The following TYMS variants were observed in gnomAD, a reference collection of about 807,000 sequenced individuals.
The protein encoded by TYMS is thymidylate synthase.
Under a neutral mutation model 39.3 loss-of-function variants are expected in TYMS, and 21 were observed. The observed-to-expected ratio is 0.54, with a 90% CI of 0.38 to 0.77. The LOEUF (loss-of-function observed/expected upper bound fraction) is 0.77. TYMS is among the 30% of genes least tolerant of loss of function. The probability of loss-of-function intolerance (pLI) is 0.00; values close to 1 mark genes in which losing one functional copy is unlikely to be tolerated. For synonymous variants in TYMS, 171 were observed against 162.2 expected, an observed-to-expected ratio of 1.05 and a Z score of -0.41; for missense variants, 273 against 406.7, an observed-to-expected ratio of 0.67 and a Z score of 2.83.
At chr18:665,653 G>A (rs1006611202) in intron 3 of TYMS, among the ~76,000 whole-genome samples, 1 of 100,394 alleles carries the variant, frequency 1.0e-5, no homozygotes, top group Non-Finnish European at 1.9e-5. Flanking sequence ...TGGGCATTTA[G>A]TGCTATAAAT....
At chr18:659,317 G>T (rs1204519240) in intron 1 of TYMS, among the ~76,000 whole-genome samples, 1 of 152,080 alleles carries the variant, frequency 6.6e-6, no homozygotes. Context: ...ACACCTTTGT[G>T]ACAGGATTAG....
intron 3 of TYMS, among the ~76,000 whole-genome samples, chr18:666,914 GTGATGGA>G (rs1437988259): frequency 3.1e-5 from 2 of 64,910 alleles, no homozygotes; most frequent in Non-Finnish European, 8.0e-5. Flanking sequence ...GATGGTGATG[GTGATGGA>G]GATGGTGATG....
intron 3 of TYMS, among the ~76,000 whole-genome samples, chr18:667,239 AGATGGT>A (rs1264608229): frequency 2.3e-3 from 31 of 13,436 alleles, no homozygotes; most frequent in South Asian, 6.3e-3. Context: ...ATGGAGATGG[AGATGGT>A]GATGGTGATG....
At chr18:671,664 G>A in intron 6 of TYMS, 1 of 577,708 alleles carries the variant, frequency 1.7e-6, no homozygotes, top group Non-Finnish European at 3.0e-6. Context: ...GGTGCTGTGA[G>A]GTACTAAGCA....
chr18:670,939 C>G (rs2075014858), intron 5 of TYMS, 72 bp downstream of exon 5: 1 of 1,529,522 alleles, frequency 6.5e-7, no homozygotes, highest in South Asian at 1.2e-5. Context: ...TATGGGAAAA[C>G]AAATTGCAGA....
chr18:667,754 T>TAA (rs977181527), intron 3 of TYMS: 3 of 152,194 alleles, frequency 2.0e-5, no homozygotes, highest in African/African-American at 7.2e-5. Flanking sequence ...CTTGTGCAGG[T>TAA]AAGTGTTCTG....
At position 666,916 on chromosome 18, in the gene TYMS, G is replaced by T; in HGVS notation, c.455-2156G>T. Among the ~76,000 whole-genome samples, 3 of 49,850 alleles carry T rather than the reference G, an allele frequency of 6.0e-5. 1 individual carries two copies. Among genetic ancestry groups the T allele is most frequent in the Non-Finnish European group, 1.7e-4 (3 of 17,936 alleles). 32.7% of individuals were successfully genotyped at this position (49,850 alleles called of 152,430 possible). ...AGATGGTGATGGAGATGGTGATGGT[G>T]ATGGAGATGGTGATGGTGATGGAGA... On this transcript the variant is annotated intron_variant, in intron 3 of 6. Transcript: ENST00000323274.
chr18:670,099 A>C (rs181825924), intron 4 of TYMS, among the ~76,000 whole-genome samples: 1 of 147,622 alleles, frequency 6.8e-6, no homozygotes, highest in East Asian at 2.0e-4. Context: ...GCTGGAGTGC[A>C]GTGGTGTGAT....
At chr18:670,997 T>A (rs2075017705) in intron 5 of TYMS, 130 bp downstream of exon 5, 2 of 1,105,186 alleles carry the variant, frequency 1.8e-6, no homozygotes, top group South Asian at 3.3e-5. Context: ...AAGTAAGAAA[T>A]GAACCAGCTT....
At chr18:669,430 C>T (rs539202289) in intron 4 of TYMS, 8 of 328,314 alleles carry the variant, frequency 2.4e-5, no homozygotes, top group African/African-American at 4.7e-5. Flanking sequence ...TGGAATGCAA[C>T]GGCGTGATCT....
rs368711614 is a variant in TYMS, at chr18:658,066, G to C, written c.205+119G>C. On this transcript the variant is annotated intron_variant, in intron 1 of 6. Coordinates refer to ENST00000323274, the MANE Select transcript of TYMS (RefSeq NM_001071.4). This position sits in a 1 kb window ranked among gnomAD's most constrained non-coding sequence, Gnocchi z 4.5. ...TTTAGTCCTAACCTCAATCCTGCGAGGGAGGGGACGCATCGTCCTCCTCGC... is the reference window on the plus strand; with the variant it reads ...TTTAGTCCTAACCTCAATCCTGCGACGGAGGGGACGCATCGTCCTCCTCGC... The C allele has an allele frequency of 6.4e-7, 1 of 1,573,608 alleles. No individual in the cohort carries two copies. Among genetic ancestry groups the C allele is most frequent in the Non-Finnish European group, 8.6e-7 (1 of 1,162,664 alleles).
chr18:668,577 G>GTGAT (rs2074905282), intron 3 of TYMS, among the ~76,000 whole-genome samples: 2 of 152,186 alleles, frequency 1.3e-5, no homozygotes, highest in African/African-American at 4.8e-5. Flanking sequence ...TGCTGCTGAG[G>GTGAT]TGATAGAAAG....
chr18:671,280 A>T (rs757816560), intron 5 of TYMS, 100 bp from the exon 6 acceptor site: 160 of 835,464 alleles, frequency 1.9e-4, no homozygotes, highest in East Asian at 1.3e-3. Flanking sequence ...TTATTTTTTT[A>T]AAAAAAGCCT....
chr18:662,463 G>C, intron 3 of TYMS, 143 bp downstream of exon 3: 1 of 635,402 alleles, frequency 1.6e-6, no homozygotes, highest in East Asian at 3.2e-5. Flanking sequence ...GGTGGTGCCA[G>C]GTTAAGCCAC....
chr18:673,130 AT>A lies in TYMS; in HGVS notation c.*138del, dbSNP rs1195176760. On this transcript the variant is annotated 3_prime_UTR_variant, in exon 7 of 7. Coordinates refer to ENST00000323274, the MANE Select transcript of TYMS (RefSeq NM_001071.4). ...TCTGTCCGTGACCTATCAGTTATTA[AT>A]TTTTAAGGATGTTGCCACTGGCAAA... 3 of 1,012,004 alleles carry A rather than the reference AT, an allele frequency of 3.0e-6. No homozygotes were observed. Among genetic ancestry groups the A allele is most frequent in the African/African-American group, 3.2e-5 (2 of 62,556 alleles). 62.7% of individuals were successfully genotyped at this position (1,012,004 alleles called of 1,614,324 possible).
chr18:665,174 TG>T (rs1368576537), intron 3 of TYMS, among the ~76,000 whole-genome samples: 203 of 151,568 alleles, frequency 1.3e-3, no homozygotes, highest in Admixed American at 4.7e-3. Context: ...GGTAAGCTAT[TG>T]ATTATTGCCA....
At position 666,998 on chromosome 18, in the gene TYMS, GAGATGGT is replaced by G. The variant is rs1389015969; in HGVS notation, c.455-2073_455-2067del. 1.9e-3 allele frequency among the ~76,000 whole-genome samples: 12 copies of G among 6,362 alleles called. 1 individual carries two copies. Among genetic ancestry groups the G allele is most frequent in the South Asian group, 0.016 (3 of 188 alleles). The allele number at this position is 6,362 out of a possible 152,430, so 4.2% of individuals were successfully genotyped here. A position where few individuals can be genotyped will look rare whatever the true frequency, so the allele number is the denominator to read the frequency against. The stretch of plus-strand genomic sequence containing the variant: ...GGAGATGGAGATGGTGATGGTGATG[GAGATGGT>G]GATGGTGATGGAGATGGAGATGGTG... On this transcript the variant is annotated intron_variant, in intron 3 of 6. Coordinates refer to ENST00000323274, the MANE Select transcript of TYMS (RefSeq NM_001071.4).
intron 3 of TYMS, among the ~76,000 whole-genome samples, chr18:663,814 A>T (rs2074780525): frequency 1.9e-5 from 2 of 103,142 alleles, no homozygotes; most frequent in South Asian, 6.2e-4. Flanking sequence ...TTTGTCAAAG[A>T]TCAGATAGTT....
At chr18:667,227 TGATGGA>T (rs1373943907) in intron 3 of TYMS, among the ~76,000 whole-genome samples, 4 of 33,946 alleles carry the variant, frequency 1.2e-4, no homozygotes, top group Admixed American at 2.3e-4. Context: ...ATGGTGATGG[TGATGGA>T]GATGGAGATG....
Sources: gnomAD v4.1 joint callset for allele counts (sites outside exome capture counted in the v4.1 genomes callset) on GRCh38, gnomAD v4.1.1 for gene constraint, Gnocchi (gnomAD v3.1) non-coding constraint, MANE v1.5 for transcripts, NCBI Gene and HGNC (gene_info 2026-07-23, HGNC 2026-07-21) for gene names.